WTIP: variants seen among roughly 807,000 people sequenced by gnomAD.
WTIP encodes WT1 interacting protein, also known as Wilms tumor protein 1-interacting protein.
In WTIP, 23 loss-of-function variants were observed where a neutral mutation model predicts 41.7. That is an observed-to-expected ratio of 0.55 (90% CI 0.40 to 0.78). The LOEUF is 0.78. WTIP is among the 30% of genes least tolerant of loss of function. The pLI, the probability that WTIP is intolerant of heterozygous loss-of-function variation, is 0.00. For missense variants in WTIP, 619 were observed against 610.5 expected (o/e 1.01, Z -0.15); for synonymous variants, 314 against 269.9 (o/e 1.16, Z -1.60).
intron 2 of WTIP, among the ~76,000 whole-genome samples, chr19:34,491,473 G>A (rs1004499218): frequency 4.1e-5 from 6 of 146,766 alleles, no homozygotes; most frequent in Admixed American, 6.8e-5. Context: ...ACAGGCACAC[G>A]CCACCACTCC....
chr19:34,483,380 G>C lies in WTIP; in HGVS notation c.667+739G>C, dbSNP rs187047651. On this transcript the variant is annotated intron_variant, in intron 1 of 7. Transcript: ENST00000590071. ...ATTCTATCTGATCCTTTCATGCTTC[G>C]TGATGAGCAGAAAGGGGTGCTTCCC... Among the ~76,000 whole-genome samples, 442 of 152,054 alleles carry C rather than the reference G, an allele frequency of 2.9e-3. 3 individuals carry two copies. The highest frequency in any genetic ancestry group is 5.6e-3 in the Admixed American group (86 of 15,276).
chr19:34,495,701 A>G lies in WTIP; in HGVS notation c.1084-2A>G, dbSNP rs1294282258. 1 of 1,613,814 alleles carries G rather than the reference A, an allele frequency of 6.2e-7. No homozygotes were observed. The highest frequency in any genetic ancestry group is 2.2e-5 in the East Asian group (1 of 44,864). On this transcript the variant is annotated splice_acceptor_variant, in intron 6 of 7. Coordinates refer to ENST00000590071, the MANE Select transcript of WTIP (RefSeq NM_001080436.2). LOFTEE classifies it high-confidence loss of function. ...GTGTGTGAACTCCTTCTCTTCCTCC[A>G]GGGCTGCGAGACAACCATCCGTGTG...
At position 34,508,908 on chromosome 19, in the gene WTIP, A is replaced by G. The variant is rs1427469602; in HGVS notation, c.*8639A>G. 1.3e-5 allele frequency: 2 copies of G among 152,270 alleles called. No individual in the cohort carries two copies. Among genetic ancestry groups the G allele is most frequent in the Non-Finnish European group, 2.9e-5 (2 of 68,050 alleles). 9.4% of individuals were successfully genotyped at this position (152,270 alleles called of 1,614,324 possible). A position where few individuals can be genotyped will look rare whatever the true frequency, so the allele number is the denominator to read the frequency against. On this transcript the variant is annotated 3_prime_UTR_variant, in exon 8 of 8. Transcript: ENST00000590071. Reference sequence around the variant, plus strand: ...TCAAAAAAGTAAGTATGACTCCCACATGAAAATTTTCTTCTACAACACGAC... The same window carrying G: ...TCAAAAAAGTAAGTATGACTCCCACGTGAAAATTTTCTTCTACAACACGAC...
At chr19:34,483,864 GT>G (rs1340377102) in intron 1 of WTIP, among the ~76,000 whole-genome samples, 26 of 145,606 alleles carry the variant, frequency 1.8e-4, no homozygotes, top group South Asian at 4.5e-4. Flanking sequence ...CCTGGGGTTT[GT>G]GTCTTTGAGC....
At position 34,507,410 on chromosome 19, in the gene WTIP, A is replaced by G. The variant is rs1348815034; in HGVS notation, c.*7141A>G. 4.1e-5 allele frequency: 6 copies of G among 148,050 alleles called. No individual in the cohort carries two copies. Among genetic ancestry groups the G allele is most frequent in the African/African-American group, 1.0e-4 (4 of 38,688 alleles). 9.2% of individuals were successfully genotyped at this position (148,050 alleles called of 1,614,324 possible). A position where few individuals can be genotyped will look rare whatever the true frequency, so the allele number is the denominator to read the frequency against. The stretch of plus-strand genomic sequence containing the variant: ...ATTTGGGTGCAGTATTTGATGCCCA[A>G]AAGAACAAACATAAACCAAAAAAAA... On this transcript the variant is annotated 3_prime_UTR_variant, in exon 8 of 8. Transcript: ENST00000590071.
At position 34,504,403 on chromosome 19, in the gene WTIP, T is replaced by TTGTG. The variant is rs142028323; in HGVS notation, c.*4150_*4153dup. ...CTGTGGGGTGTAATTGTGTGTTTGT[T>TTGTG]TGTGTGTGTGTGTGTGTGTCTGTGT... On this transcript the variant is annotated 3_prime_UTR_variant, in exon 8 of 8. Transcript: ENST00000590071. 3,502 of 146,312 alleles carry TTGTG rather than the reference T, an allele frequency of 0.024. 123 individuals are homozygous for TTGTG. Among genetic ancestry groups the TTGTG allele is most frequent in the African/African-American group, 0.082 (3,160 of 38,436 alleles). The allele number at this position is 146,312 out of a possible 1,614,324, so 9.1% of individuals were successfully genotyped here.
At chr19:34,483,217 T>C (rs1265096259) in intron 1 of WTIP, among the ~76,000 whole-genome samples, 3 of 135,390 alleles carry the variant, frequency 2.2e-5, no homozygotes, top group Non-Finnish European at 3.1e-5. Flanking sequence ...AGAGACAGAG[T>C]CTCCCTATGT....
chr19:34,489,437 AGAG>A (rs2075814604), intron 1 of WTIP, among the ~76,000 whole-genome samples: 1 of 152,058 alleles, frequency 6.6e-6, no homozygotes, highest in Non-Finnish European at 1.5e-5. Context: ...GAGTGGGTAC[AGAG>A]GAGGACAGAG....
At position 34,506,063 on chromosome 19, in the gene WTIP, A is replaced by C. The variant is rs2145617666; in HGVS notation, c.*5794A>C. 6.6e-6 allele frequency: 1 copy of C among 152,388 alleles called. No homozygotes were observed. The highest frequency in any genetic ancestry group is 1.9e-4 in the East Asian group (1 of 5,174). The allele number at this position is 152,388 out of a possible 1,614,324, so 9.4% of individuals were successfully genotyped here. ...CCGTCCCTGGACCAGCCCTGCCATC[A>C]GCTTGCCCAGCCTAGTTCCCTTTCT... On this transcript the variant is annotated 3_prime_UTR_variant, in exon 8 of 8. Transcript: ENST00000590071.
rs1456308808 is a variant in WTIP at position 34,493,599 on chromosome 19, C to T, written c.1008C>T (p.Ile336=). The T allele has an allele frequency of 6.2e-7, 1 of 1,613,430 alleles. No individual in the cohort carries two copies. The highest frequency in any genetic ancestry group is 8.5e-7 in the Non-Finnish European group (1 of 1,179,904). ...TCACCGTGGACGTGGAGAACAACAT[C>T]TACTGCGTGCGAGACTATCACACGT... ...VPFTVDVENN[I]YCVRDYHTVF... is the part of the protein sequence containing the mutation. Residue 336 remains isoleucine (I), a synonymous_variant, in exon 5 of 8, where the codon ATC becomes ATT. Transcript: ENST00000590071. The surrounding 1 kb of genome is among the most constrained non-coding windows in gnomAD (Gnocchi z 4.1).
chr19:34,488,427 A>G (rs1489388345), intron 1 of WTIP, among the ~76,000 whole-genome samples: 1 of 151,710 alleles, frequency 6.6e-6, no homozygotes, highest in East Asian at 2.0e-4. Flanking sequence ...GTGCAGTGAC[A>G]TGATCATAGC....
At chr19:34,483,987 C>A (rs941281758) in intron 1 of WTIP, among the ~76,000 whole-genome samples, 1 of 127,034 alleles carries the variant, frequency 7.9e-6, no homozygotes, top group Non-Finnish European at 1.6e-5. Flanking sequence ...AGTGCAGTGG[C>A]GTGATCTTGG....
intron 1 of WTIP, among the ~76,000 whole-genome samples, chr19:34,483,006 C>CTTTTTTTTTTTTTTTCTTTT (rs1568395533): frequency 2.4e-5 from 3 of 123,038 alleles, no homozygotes; most frequent in African/African-American, 9.4e-5. Flanking sequence ...TTTCTTTCTT[C>CTTTTTTTTTTTTTTTCTTTT]TTTTTTTTTT....
intron 1 of WTIP, among the ~76,000 whole-genome samples, chr19:34,484,297 A>G (rs1225910066): frequency 1.3e-5 from 2 of 152,080 alleles, no homozygotes; most frequent in Non-Finnish European, 2.9e-5. Context: ...GAGAGGGAAG[A>G]ATGAGCAGAG....
In WTIP at chr19:34,507,583, G is replaced by GT. The variant is rs942596403; in HGVS notation, c.*7318dup. The GT allele has an allele frequency of 3.9e-5, 6 of 152,296 alleles. No homozygotes were observed. The highest frequency in any genetic ancestry group is 1.4e-4 in the African/African-American group (6 of 41,428). 9.4% of individuals were successfully genotyped at this position (152,296 alleles called of 1,614,324 possible). A position where few individuals can be genotyped will look rare whatever the true frequency, so the allele number is the denominator to read the frequency against. On this transcript the variant is annotated 3_prime_UTR_variant, in exon 8 of 8. Coordinates refer to ENST00000590071, the MANE Select transcript of WTIP (RefSeq NM_001080436.2). ...CTCTTCTAGGTACCAGGTTCCATTA[G>GT]TTTTGTCTGTCAGTCTTGTCACCAG...
chr19:34,490,277 C>A, intron 1 of WTIP, 99 bp from the exon 2 acceptor site: 1 of 1,120,786 alleles, frequency 8.9e-7, no homozygotes, highest in South Asian at 1.4e-5. Flanking sequence ...GTTAGCATCC[C>A]CCAGGTCAAG....
In WTIP at chr19:34,482,422, C is replaced by CT; in HGVS notation, c.448_449insT (p.Arg150LeufsTer9). The CT allele has an allele frequency of 7.4e-7, 1 of 1,350,590 alleles. No homozygotes were observed. The highest frequency in any genetic ancestry group is 1.6e-5 in the South Asian group (1 of 61,972). The allele number at this position is 1,350,590 out of a possible 1,614,324, so 83.7% of individuals were successfully genotyped here. ...CTCCAGCGTTTCCAGCCTCGGCTCC[C>CT]GGGGCTCGGCCGGCGCCTACGCTGA... On this transcript the variant is annotated frameshift_variant, in exon 1 of 8. Coordinates refer to ENST00000590071, the MANE Select transcript of WTIP (RefSeq NM_001080436.2). LOFTEE classifies it high-confidence loss of function.
chr19:34,507,249 G>A lies in WTIP; in HGVS notation c.*6980G>A, dbSNP rs1375079467. 2 of 146,538 alleles carry A rather than the reference G, an allele frequency of 1.4e-5. No individual in the cohort carries two copies. The highest frequency in any genetic ancestry group is 3.0e-5 in the Non-Finnish European group (2 of 66,708). 9.1% of individuals were successfully genotyped at this position (146,538 alleles called of 1,614,324 possible). A position where few individuals can be genotyped will look rare whatever the true frequency, so the allele number is the denominator to read the frequency against. On this transcript the variant is annotated 3_prime_UTR_variant, in exon 8 of 8. Transcript: ENST00000590071. ...AAAAAAAAAAAAAAAAAAAAAAATT[G>A]TATTCGGCCTATGATGAAATATTTT...
chr19:34,493,070 T>C lies in WTIP; in HGVS notation c.803T>C (p.Val268Ala). 1 of 1,613,692 alleles carries C rather than the reference T, an allele frequency of 6.2e-7. No homozygotes were observed. The highest frequency in any genetic ancestry group is 1.1e-5 in the South Asian group (1 of 91,072). ...CTCCGTGGGAAGGCGTTCTACAACG[T>C]GGGTGAGAAAGTGTACTGCCAGGAG... The part of the protein sequence containing the change: ...RRLRGKAFYN[V>A]GEKVYCQEDF... The change falls in exon 3 of 8, where the codon GTG becomes GCG. Residue 268 changes from valine (V) to alanine (A), a missense_variant. Val to Ala is a moderately conservative substitution (Grantham distance 64). This residue lies in a region of WTIP where 164 missense variants were observed against 219.1 expected (regional missense o/e 0.75). Coordinates refer to ENST00000590071, the MANE Select transcript of WTIP (RefSeq NM_001080436.2). The surrounding 1 kb of genome is among the most constrained non-coding windows in gnomAD (Gnocchi z 4.1).
Sources: gnomAD v4.1 joint callset for allele counts (sites outside exome capture counted in the v4.1 genomes callset) on GRCh38, gnomAD v4.1.1 for gene constraint, gnomAD v4.1.1 regional missense constraint, Gnocchi (gnomAD v3.1) non-coding constraint, MANE v1.5 for transcripts, NCBI Gene and HGNC (gene_info 2026-07-23, HGNC 2026-07-21) for gene names.